RHOJ: variants seen among roughly 807,000 people sequenced by gnomAD.
The protein encoded by RHOJ is rho-related GTP-binding protein RhoJ.
A neutral mutation model predicts 23.4 loss-of-function variants in RHOJ; 11 were observed. That is an observed-to-expected ratio of 0.47 (90% CI 0.30 to 0.78). The LOEUF is 0.78. Among genes scored for constraint, RHOJ ranks in the 30% least tolerant of loss-of-function variants. RHOJ has a pLI of 0.08. For synonymous variants in RHOJ, 102 were observed against 102.7 expected (o/e 0.99, Z 0.04); for missense variants, 254 against 273.4 (o/e 0.93, Z 0.50).
intron 1 of RHOJ, among the ~76,000 whole-genome samples, chr14:63,212,883 G>A (rs1260386500): frequency 6.6e-6 from 1 of 152,150 alleles, no homozygotes; most frequent in Non-Finnish European, 1.5e-5. Context: ...GGACTCAGTG[G>A]GAAGTAGCTT....
At chr14:63,233,297 T>G (rs1894731521) in intron 1 of RHOJ, among the ~76,000 whole-genome samples, 1 of 151,988 alleles carries the variant, frequency 6.6e-6, no homozygotes, top group Non-Finnish European at 1.5e-5. Flanking sequence ...GAATGGGGAG[T>G]AACTGCTCTT....
intron 1 of RHOJ, among the ~76,000 whole-genome samples, chr14:63,217,644 T>A (rs1894394517): frequency 6.6e-6 from 1 of 152,062 alleles, no homozygotes; most frequent in African/African-American, 2.4e-5. Context: ...GGACTTCATG[T>A]CTAAAACACC....
intron 1 of RHOJ, among the ~76,000 whole-genome samples, chr14:63,214,001 CACTT>C (rs1346978610): frequency 1.3e-5 from 2 of 152,178 alleles, no homozygotes; most frequent in East Asian, 1.9e-4. Flanking sequence ...CTTTAATAGA[CACTT>C]AGTCATCTTC....
At chr14:63,275,691 T>C (rs1432529128) in intron 2 of RHOJ, among the ~76,000 whole-genome samples, 1 of 152,206 alleles carries the variant, frequency 6.6e-6, no homozygotes, top group Non-Finnish European at 1.5e-5. Flanking sequence ...CTCTTTTAGA[T>C]TAAAACGCTG....
rs1239608416 is a variant in RHOJ at position 63,204,638 on chromosome 14, C to T, written c.-232C>T. 1.8e-6 allele frequency: 1 copy of T among 557,480 alleles called. No homozygotes were observed. Among genetic ancestry groups the T allele is most frequent in the Non-Finnish European group, 3.2e-6 (1 of 313,724 alleles). The allele number at this position is 557,480 out of a possible 1,614,324, so 34.5% of individuals were successfully genotyped here. On this transcript the variant is annotated 5_prime_UTR_variant, in exon 1 of 5. Coordinates refer to ENST00000316754, the MANE Select transcript of RHOJ (RefSeq NM_020663.5). ...AGGGTTTCTTAACTCACACTGAGAGCGGAAAGGGGCAGACCCTTTTCATAA... is the reference window on the plus strand; with the variant it reads ...AGGGTTTCTTAACTCACACTGAGAGTGGAAAGGGGCAGACCCTTTTCATAA...
intron 1 of RHOJ, among the ~76,000 whole-genome samples, chr14:63,229,194 G>A (rs1478252400): frequency 1.3e-5 from 2 of 152,122 alleles, no homozygotes; most frequent in Non-Finnish European, 2.9e-5. Context: ...TCTACAAAGT[G>A]AGTCCAAATA....
Position 63,275,985 on chromosome 14 carries a change from T to G in RHOJ, c.238-4986T>G, listed in dbSNP as rs17824636. Among the ~76,000 whole-genome samples the G allele has an allele frequency of 5.1e-4, 77 of 152,344 alleles. 1 individual carries two copies. The highest frequency in any genetic ancestry group is 4.0e-3 in the East Asian group (21 of 5,186). ...TTTATAGCTGTAGCCCAGGGTTAGC[T>G]CCCAATAGCCCAGGTGTGAGCCTTC... On this transcript the variant is annotated intron_variant, in intron 2 of 4. Coordinates refer to ENST00000316754, the MANE Select transcript of RHOJ (RefSeq NM_020663.5).
In RHOJ at chr14:63,291,107, G is replaced by A; in HGVS notation, c.*83G>A. 1 of 1,520,174 alleles carries A rather than the reference G, an allele frequency of 6.6e-7. No individual in the cohort carries two copies. The highest frequency in any genetic ancestry group is 9.1e-7 in the Non-Finnish European group (1 of 1,103,214). 94.2% of individuals were successfully genotyped at this position (1,520,174 alleles called of 1,614,324 possible). ...TGGCCAAGCTCCAGCCAAAAAGGAG[G>A]GCACGACCAGAAAGGAACTCCCTTT... On this transcript the variant is annotated 3_prime_UTR_variant, in exon 5 of 5. Coordinates refer to ENST00000316754, the MANE Select transcript of RHOJ (RefSeq NM_020663.5).
chr14:63,208,334 T>C (rs901557800), intron 1 of RHOJ, among the ~76,000 whole-genome samples: 5 of 152,228 alleles, frequency 3.3e-5, no homozygotes, highest in Non-Finnish European at 7.4e-5. Context: ...AATAATTCCC[T>C]GTTCCATCTC....
At chr14:63,223,408 T>C (rs956815145) in intron 1 of RHOJ, among the ~76,000 whole-genome samples, 1 of 152,204 alleles carries the variant, frequency 6.6e-6, no homozygotes, top group Admixed American at 6.5e-5. Flanking sequence ...ACAATTACCC[T>C]ACTCTCCCAT....
intron 1 of RHOJ, among the ~76,000 whole-genome samples, chr14:63,214,408 T>A (rs1379066308): frequency 5.3e-5 from 8 of 152,184 alleles, no homozygotes; most frequent in Non-Finnish European, 8.8e-5. Context: ...TGCCTATGAA[T>A]CAAGCCAAAA....
chr14:63,218,340 G>A (rs1159814212), intron 1 of RHOJ, among the ~76,000 whole-genome samples: 1 of 152,048 alleles, frequency 6.6e-6, no homozygotes, highest in Non-Finnish European at 1.5e-5. Context: ...TAACAAGTAA[G>A]CTTTTCTTAT....
intron 4 of RHOJ, among the ~76,000 whole-genome samples, chr14:63,283,885 A>G (rs1418309894): frequency 2.6e-5 from 4 of 152,196 alleles, no homozygotes; most frequent in African/African-American, 7.2e-5. Flanking sequence ...CCAGACACCA[A>G]GTCTTTGCCT....
intron 2 of RHOJ, among the ~76,000 whole-genome samples, chr14:63,271,132 A>C (rs776925793): frequency 1.3e-5 from 2 of 152,246 alleles, no homozygotes; most frequent in Non-Finnish European, 2.9e-5. Flanking sequence ...AGCGATGAAG[A>C]CTGATAAAAT....
At chr14:63,275,653 C>T (rs368948776) in intron 2 of RHOJ, among the ~76,000 whole-genome samples, 51 of 152,212 alleles carry the variant, frequency 3.4e-4, no homozygotes, top group African/African-American at 1.2e-3. Flanking sequence ...TCTTTGTCTA[C>T]TTTACCTCCA....
chr14:63,266,503 A>G (rs1414267840), intron 1 of RHOJ, among the ~76,000 whole-genome samples: 1 of 152,118 alleles, frequency 6.6e-6, no homozygotes, highest in African/African-American at 2.4e-5. Flanking sequence ...AGGCTGTTGA[A>G]TCTGTATTGC....
intron 1 of RHOJ, among the ~76,000 whole-genome samples, chr14:63,226,458 G>T (rs1401531323): frequency 1.3e-5 from 2 of 151,474 alleles, no homozygotes; most frequent in Non-Finnish European, 2.9e-5. Flanking sequence ...CACATTAAGG[G>T]TTATGAGAAT....
At chr14:63,266,814 A>T (rs1895375915) in intron 1 of RHOJ, among the ~76,000 whole-genome samples, 1 of 152,156 alleles carries the variant, frequency 6.6e-6, no homozygotes, top group Non-Finnish European at 1.5e-5. Context: ...CAGAGTCTTT[A>T]TGGTTTTCTA....
chr14:63,237,344 GA>G (rs1402603280), intron 1 of RHOJ, among the ~76,000 whole-genome samples: 1 of 151,844 alleles, frequency 6.6e-6, no homozygotes, highest in Non-Finnish European at 1.5e-5. Flanking sequence ...TATTTTATGA[GA>G]AAAAAAGCTT....
Sources: gnomAD v4.1 joint callset for allele counts (sites outside exome capture counted in the v4.1 genomes callset) on GRCh38, gnomAD v4.1.1 for gene constraint, MANE v1.5 for transcripts, NCBI Gene and HGNC (gene_info 2026-07-23, HGNC 2026-07-21) for gene names.